RABEP1: variants seen among roughly 807,000 people sequenced by gnomAD.
RABEP1 encodes rab GTPase-binding effector protein 1.
In RABEP1, 51 loss-of-function variants were observed where a neutral mutation model predicts 123.4. That is an observed-to-expected ratio of 0.41 (90% CI 0.33 to 0.52). The LOEUF is 0.52. Ranked by LOEUF, RABEP1 falls within the 20% of genes least tolerant of loss-of-function variation. The probability of loss-of-function intolerance (pLI) is 0.16; values close to 1 mark genes in which losing one functional copy is unlikely to be tolerated. For missense variants in RABEP1, 888 were observed against 996.3 expected (o/e 0.89, Z 1.46); for synonymous variants, 347 against 355.2 (o/e 0.98, Z 0.26).
At chr17:5,363,283 G>C (rs544631842) in intron 10 of RABEP1, among the ~76,000 whole-genome samples, 2 of 151,484 alleles carry the variant, frequency 1.3e-5, no homozygotes, top group South Asian at 4.2e-4. Context: ...GTGCAGGGGG[G>C]ATCTCAGCTC....
intron 2 of RABEP1, among the ~76,000 whole-genome samples, chr17:5,321,084 A>G (rs1366074728): frequency 6.6e-6 from 1 of 152,176 alleles, no homozygotes; most frequent in Non-Finnish European, 1.5e-5. Flanking sequence ...TTGAGGTGGG[A>G]GGATCACTTG....
Position 5,383,311 on chromosome 17 carries a change from G to C in RABEP1, c.*88G>C. 9.6e-7 allele frequency: 1 copy of C among 1,046,852 alleles called. No homozygotes were observed. The highest frequency in any genetic ancestry group is 2.0e-5 in the Admixed American group (1 of 50,060). The allele number at this position is 1,046,852 out of a possible 1,614,324, so 64.8% of individuals were successfully genotyped here. A position where few individuals can be genotyped will look rare whatever the true frequency, so the allele number is the denominator to read the frequency against. On this transcript the variant is annotated 3_prime_UTR_variant, in exon 18 of 18. Coordinates refer to ENST00000537505, the MANE Select transcript of RABEP1 (RefSeq NM_004703.6). Reference sequence around the variant, plus strand: ...AATTATTATTTAACTCTTAACTGAAGAAAGAGAAGTCACAACAAAAGGAAG... The same window carrying C: ...AATTATTATTTAACTCTTAACTGAACAAAGAGAAGTCACAACAAAAGGAAG...
At chr17:5,328,813 C>T (rs1906227029) in intron 2 of RABEP1, among the ~76,000 whole-genome samples, 1 of 151,348 alleles carries the variant, frequency 6.6e-6, no homozygotes, top group South Asian at 2.1e-4. Context: ...TCGCCAGGCG[C>T]AGTGGCAGGC....
chr17:5,332,030 A>G lies in RABEP1; in HGVS notation c.245A>G (p.Gln82Arg), dbSNP rs761729315. The change falls in exon 3 of 18, where the codon CAA becomes CGA. Residue 82 changes from glutamine (Q) to arginine (R), a missense_variant. By Grantham distance (43) the Gln-to-Arg change is conservative (BLOSUM62 1). Transcript: ENST00000537505. ...GHLRTQLWEAQAEMENIKAIA... is the reference protein window; with the variant it reads ...GHLRTQLWEARAEMENIKAIA... ...CTTCGAACCCAGCTGTGGGAAGCTC[A>G]AGCAGAGATGGAGAATATTAAGGCG... 2 of 1,613,086 alleles carry G rather than the reference A, an allele frequency of 1.2e-6. No individual in the cohort carries two copies. Among genetic ancestry groups the G allele is most frequent in the Non-Finnish European group, 1.7e-6 (2 of 1,179,042 alleles).
chr17:5,286,148 A>G (rs1271602886), intron 1 of RABEP1, among the ~76,000 whole-genome samples: 2 of 152,194 alleles, frequency 1.3e-5, no homozygotes, highest in African/African-American at 2.4e-5. Flanking sequence ...CTGTAATCCT[A>G]CAAGCTCTGG....
At chr17:5,360,662 T>C (rs1308875342) in intron 8 of RABEP1, among the ~76,000 whole-genome samples, 2 of 152,258 alleles carry the variant, frequency 1.3e-5, no homozygotes, top group African/African-American at 4.8e-5. Flanking sequence ...GGTTCTGCCC[T>C]TGGCCCTCTT....
intron 1 of RABEP1, among the ~76,000 whole-genome samples, chr17:5,287,379 A>G (rs1470567975): frequency 2.0e-5 from 3 of 152,060 alleles, no homozygotes; most frequent in African/African-American, 7.2e-5. Flanking sequence ...CAGGTGGATC[A>G]CCTGAGGTCA....
At chr17:5,325,994 C>T (rs746056753) in intron 2 of RABEP1, among the ~76,000 whole-genome samples, 2 of 151,996 alleles carry the variant, frequency 1.3e-5, no homozygotes, top group Non-Finnish European at 2.9e-5. Context: ...ACTGCCGATA[C>T]CAAAAAATGC....
At chr17:5,365,781 G>T (rs900127195) in intron 11 of RABEP1, among the ~76,000 whole-genome samples, 1 of 152,180 alleles carries the variant, frequency 6.6e-6, no homozygotes, top group African/African-American at 2.4e-5. Flanking sequence ...GAAGCCATAC[G>T]TTCTGTGTTC....
intron 14 of RABEP1, 98 bp downstream of exon 14, chr17:5,377,403 C>T: frequency 1.1e-5 from 10 of 925,728 alleles, no homozygotes; most frequent in Non-Finnish European, 1.5e-5. Flanking sequence ...CACAGAAAAG[C>T]TTAGGAAAGA....
At chr17:5,375,020 G>T (rs1259615806) in intron 13 of RABEP1, among the ~76,000 whole-genome samples, 1 of 151,742 alleles carries the variant, frequency 6.6e-6, no homozygotes, top group Non-Finnish European at 1.5e-5. Context: ...CAGGTGATTA[G>T]CCTGCTTCGG....
At chr17:5,325,339 CA>C (rs956841376) in intron 2 of RABEP1, among the ~76,000 whole-genome samples, 15 of 142,918 alleles carry the variant, frequency 1.0e-4, no homozygotes, top group East Asian at 2.0e-4. Context: ...AAACTCCGTC[CA>C]AAAAAAAAAG....
At chr17:5,373,693 AACACACACACACACACACACACACAC>A (rs55736303) in intron 13 of RABEP1, among the ~76,000 whole-genome samples, 54 of 135,328 alleles carry the variant, frequency 4.0e-4, no homozygotes, top group Middle Eastern at 3.7e-3. Flanking sequence ...ACACCAGCTA[AACACACACACACACACACACACACAC>A]ACACACACAC....
At chr17:5,347,486 T>G (rs1378917712) in intron 6 of RABEP1, among the ~76,000 whole-genome samples, 1 of 152,074 alleles carries the variant, frequency 6.6e-6, no homozygotes, top group Non-Finnish European at 1.5e-5. Context: ...GGCAGAGAGA[T>G]AATAAAGCTG....
At chr17:5,368,564 T>C in intron 12 of RABEP1, 96 bp downstream of exon 12, 1 of 841,830 alleles carries the variant, frequency 1.2e-6, no homozygotes, top group East Asian at 2.5e-5. Flanking sequence ...TATCATCCTG[T>C]CCAAAGTAGT....
At chr17:5,282,658 G>A (rs2074937627) in intron 1 of RABEP1, 138 bp downstream of exon 1, 1 of 461,852 alleles carries the variant, frequency 2.2e-6, no homozygotes, top group Non-Finnish European at 2.8e-6. Flanking sequence ...AGGCGGGGGC[G>A]CGCGGGCTGC....
chr17:5,310,753 C>G (rs1469288678), intron 2 of RABEP1, among the ~76,000 whole-genome samples: 4 of 151,974 alleles, frequency 2.6e-5, no homozygotes, highest in African/African-American at 9.7e-5. Context: ...CTTTACATCT[C>G]CTTTAGAATT....
chr17:5,335,387 A>G, intron 4 of RABEP1, 43 bp downstream of exon 4: 1 of 1,498,340 alleles, frequency 6.7e-7, no homozygotes, highest in Non-Finnish European at 9.2e-7. Flanking sequence ...TTGAATTCAA[A>G]TGCAAAATGC....
At chr17:5,318,415 G>A (rs2075319350) in intron 2 of RABEP1, among the ~76,000 whole-genome samples, 1 of 152,088 alleles carries the variant, frequency 6.6e-6, no homozygotes, top group Non-Finnish European at 1.5e-5. Context: ...AGTACAGTAA[G>A]CCAATGTAAG....
Sources: allele counts gnomAD v4.1 joint callset (sites outside exome capture counted in the v4.1 genomes callset), GRCh38; gene constraint gnomAD v4.1.1; transcripts MANE v1.5; gene names NCBI Gene and HGNC (gene_info 2026-07-23, HGNC 2026-07-21).